Variants in GLG1 observed in about 807,000 individuals in gnomAD.
GLG1 encodes the protein Golgi apparatus protein 1.
In GLG1, 38 loss-of-function variants were observed where a neutral mutation model predicts 160.5. That is an observed-to-expected ratio of 0.24 (90% CI 0.18 to 0.31). GLG1 has a LOEUF of 0.31. Ranked by LOEUF, GLG1 falls within the 10% of genes least tolerant of loss-of-function variation. GLG1 has a pLI of 1.00. For synonymous variants in GLG1, 644 were observed against 543.4 expected (o/e 1.19, Z -2.57); for missense variants, 1,373 against 1,505.2 (o/e 0.91, Z 1.45).
chr16:74,466,913 C>T (rs988343248), intron 18 of GLG1, among the ~76,000 whole-genome samples: 1 of 152,114 alleles, frequency 6.6e-6, no homozygotes, highest in African/African-American at 2.4e-5. Flanking sequence ...AATTGCCTAA[C>T]ACGAGTTCCA....
At chr16:74,554,729 T>A (rs1013483409) in intron 1 of GLG1, among the ~76,000 whole-genome samples, 10 of 151,994 alleles carry the variant, frequency 6.6e-5, no homozygotes, top group African/African-American at 2.2e-4. Flanking sequence ...GGTGGATATA[T>A]CTAATTAATA....
chr16:74,494,755 CT>C lies in GLG1; in HGVS notation c.1050+4del. ...AACATTCATTAGTTTCAAAATAATA[CT>C]TACCTTTTCACTCATGGATTCTTCA... On this transcript the variant is annotated splice_donor_region_variant and intron_variant, in intron 6 of 25. Coordinates refer to ENST00000422840, the MANE Select transcript of GLG1 (RefSeq NM_001145667.2). 1 of 1,261,310 alleles carries C rather than the reference CT, an allele frequency of 7.9e-7. No homozygotes were observed. The highest frequency in any genetic ancestry group is 1.2e-6 in the Non-Finnish European group (1 of 859,364). 78.1% of individuals were successfully genotyped at this position (1,261,310 alleles called of 1,614,324 possible).
chr16:74,527,311 G>C (rs187657463), intron 2 of GLG1, among the ~76,000 whole-genome samples: 1 of 144,770 alleles, frequency 6.9e-6, no homozygotes, highest in Non-Finnish European at 1.5e-5. Context: ...GTGCAATGGC[G>C]CTATCTCGGC....
At chr16:74,458,209 G>T in intron 23 of GLG1, 15 of 453,730 alleles carry the variant, frequency 3.3e-5, no homozygotes, top group African/African-American at 2.3e-4. Context: ...CTGTGTGTTG[G>T]AAAAAAGCAG....
intron 1 of GLG1, among the ~76,000 whole-genome samples, chr16:74,557,360 C>A (rs2018381785): frequency 6.6e-6 from 1 of 152,120 alleles, no homozygotes; most frequent in African/African-American, 2.4e-5. Flanking sequence ...TCATAGAGGT[C>A]TTTAGATAGC....
At chr16:74,462,838 G>A (rs2014855160) in intron 20 of GLG1, 3 of 581,362 alleles carry the variant, frequency 5.2e-6, no homozygotes, top group Non-Finnish European at 9.1e-6. Context: ...GAGGTCCTCA[G>A]GAATCTTTCT....
intron 1 of GLG1, among the ~76,000 whole-genome samples, chr16:74,595,322 G>C (rs1338234806): frequency 6.6e-6 from 1 of 152,062 alleles, no homozygotes; most frequent in East Asian, 1.9e-4. Context: ...CAGATCACAA[G>C]GTCAGGAGAT....
At chr16:74,541,805 G>T (rs1265776851) in intron 1 of GLG1, among the ~76,000 whole-genome samples, 1 of 151,810 alleles carries the variant, frequency 6.6e-6, no homozygotes, top group Non-Finnish European at 1.5e-5. Flanking sequence ...GGTTATTTCT[G>T]AAAGGATACC....
intron 3 of GLG1, among the ~76,000 whole-genome samples, chr16:74,506,792 G>A (rs1034395000): frequency 6.6e-6 from 1 of 151,992 alleles, no homozygotes; most frequent in South Asian, 2.1e-4. Context: ...CATTCTGCTG[G>A]ATAGCACTTT....
chr16:74,462,039 G>A, intron 22 of GLG1, 55 bp downstream of exon 22: 1 of 901,478 alleles, frequency 1.1e-6, no homozygotes, highest in Non-Finnish European at 1.8e-6. Context: ...CTTTTCTCCA[G>A]TGGAAACTTC....
At chr16:74,514,434 C>G (rs190236562) in intron 2 of GLG1, among the ~76,000 whole-genome samples, 1 of 152,326 alleles carries the variant, frequency 6.6e-6, no homozygotes, top group East Asian at 1.9e-4. Context: ...AGACTAACAG[C>G]AGATCTCTTT....
chr16:74,525,827 T>C (rs1029675542), intron 2 of GLG1, among the ~76,000 whole-genome samples: 11 of 151,370 alleles, frequency 7.3e-5, no homozygotes, highest in Non-Finnish European at 1.3e-4. Flanking sequence ...TTCTTGATAG[T>C]GTCTGATGCA....
intron 2 of GLG1, among the ~76,000 whole-genome samples, chr16:74,515,017 T>G (rs1597294084): frequency 2.7e-5 from 4 of 150,326 alleles, no homozygotes; most frequent in African/African-American, 7.3e-5. Flanking sequence ...TAAAACAGAC[T>G]TTAAACCAAC....
chr16:74,584,635 G>C (rs915405242), intron 1 of GLG1, among the ~76,000 whole-genome samples: 4 of 151,870 alleles, frequency 2.6e-5, no homozygotes, highest in Non-Finnish European at 5.9e-5. Context: ...CCACACACTG[G>C]GGGCTGGGCA....
chr16:74,474,761 C>G (rs1424347776), intron 12 of GLG1, 129 bp from the exon 13 acceptor site: 2 of 684,740 alleles, frequency 2.9e-6, no homozygotes, highest in African/African-American at 3.5e-5. Flanking sequence ...AATTACCTCA[C>G]TGAACAGGAC....
intron 1 of GLG1, among the ~76,000 whole-genome samples, chr16:74,584,064 T>C (rs529408571): frequency 6.6e-6 from 1 of 152,286 alleles, no homozygotes; most frequent in South Asian, 2.1e-4. Flanking sequence ...ACAGCAGCTT[T>C]CTCAGCGCCT....
chr16:74,568,851 T>C (rs922300191), intron 1 of GLG1, among the ~76,000 whole-genome samples: 1 of 152,218 alleles, frequency 6.6e-6, no homozygotes, highest in African/African-American at 2.4e-5. Context: ...AACAACCCTT[T>C]AACTATAAAC....
chr16:74,463,361 T>C lies in GLG1; in HGVS notation c.2786A>G (p.Asn929Ser), dbSNP rs2014875870. The change falls in exon 20 of 26, where the codon AAC (asparagine) becomes AGC (serine). Residue 929 changes from asparagine to serine, a missense_variant. Coordinates refer to ENST00000422840, the MANE Select transcript of GLG1 (RefSeq NM_001145667.2). Reference protein sequence around the residue: ...QMITKRQITQNTDYRLNPMLR... With the variant: ...QMITKRQITQSTDYRLNPMLR... Reference sequence around the variant, plus strand: ...GAGCCAAGCCAAGATCTTACCTGTGTTCTGGGTGATCTGGCGCTTGGTTAT... The same window carrying C: ...GAGCCAAGCCAAGATCTTACCTGTGCTCTGGGTGATCTGGCGCTTGGTTAT... 1.9e-6 allele frequency: 3 copies of C among 1,613,952 alleles called. No homozygotes were observed. Among genetic ancestry groups the C allele is most frequent in the African/African-American group, 1.3e-5 (1 of 74,914 alleles).
chr16:74,510,736 G>A (rs539610901), intron 2 of GLG1, among the ~76,000 whole-genome samples: 13 of 152,288 alleles, frequency 8.5e-5, no homozygotes, highest in Admixed American at 7.8e-4. Context: ...CAGACACAGT[G>A]TTAGGAACTG....
Sources: gnomAD v4.1 joint callset for allele counts (sites outside exome capture counted in the v4.1 genomes callset) on GRCh38, gnomAD v4.1.1 for gene constraint, MANE v1.5 for transcripts, NCBI Gene and HGNC (gene_info 2026-07-23, HGNC 2026-07-21) for gene names.